PAX3: variants seen among roughly 807,000 people sequenced by gnomAD.
PAX3 encodes the protein paired box protein Pax-3.
PAX3 carries 14 observed loss-of-function variants against 51.6 expected under a neutral mutation model. That is an observed-to-expected ratio of 0.27 (90% CI 0.18 to 0.42). PAX3 has a LOEUF of 0.42. Among genes scored for constraint, PAX3 ranks in the 10% least tolerant of loss-of-function variants. The pLI is 1.00. For missense variants in PAX3, 540 were observed against 642.8 expected, an observed-to-expected ratio of 0.84 and a Z score of 1.73; for synonymous variants, 280 against 253.4, an observed-to-expected ratio of 1.11 and a Z score of -1.00.
chr2:222,298,770 C>T lies in PAX3; in HGVS notation c.-155G>A. 2 of 720,910 alleles carry T rather than the reference C, an allele frequency of 2.8e-6. No individual in the cohort carries two copies. The highest frequency in any genetic ancestry group is 1.7e-5 in the African/African-American group (1 of 57,710). The allele number at this position is 720,910 out of a possible 1,614,324, so 44.7% of individuals were successfully genotyped here. A position where few individuals can be genotyped will look rare whatever the true frequency, so the allele number is the denominator to read the frequency against. On this transcript the variant is annotated 5_prime_UTR_variant, in exon 1 of 9. Transcript: ENST00000392070. ...GGAGGGACGCGGGGAGGGGGGCTGTCGGTTCCTAGTCCAGAGGCCGGAGCT... is the reference window on the plus strand; with the variant it reads ...GGAGGGACGCGGGGAGGGGGGCTGTTGGTTCCTAGTCCAGAGGCCGGAGCT...
intron 4 of PAX3, among the ~76,000 whole-genome samples, chr2:222,234,388 A>C (rs16863541): frequency 0.023 from 3,508 of 152,328 alleles, 63 homozygotes; most frequent in Admixed American, 0.04. Context: ...TTTAAAGGAC[A>C]ATTAACATGC....
intron 4 of PAX3, among the ~76,000 whole-genome samples, chr2:222,274,454 G>A (rs1288577502): frequency 6.7e-6 from 1 of 148,668 alleles, no homozygotes; most frequent in Non-Finnish European, 1.5e-5. Context: ...TCTCAACGCT[G>A]TAGAGTTAAC....
intron 5 of PAX3, among the ~76,000 whole-genome samples, chr2:222,221,911 T>G (rs1692209819): frequency 6.6e-6 from 1 of 151,994 alleles, no homozygotes; most frequent in African/African-American, 2.4e-5. Context: ...GAGCCCTTTT[T>G]TCATCTCTTC....
intron 4 of PAX3, among the ~76,000 whole-genome samples, chr2:222,265,349 G>A (rs889694836): frequency 1.3e-5 from 2 of 152,124 alleles, no homozygotes; most frequent in Non-Finnish European, 2.9e-5. Context: ...TTAGCCTCTT[G>A]TGTATCCTTA....
intron 4 of PAX3, chr2:222,265,072 A>C (rs1693995217): frequency 6.6e-6 from 1 of 152,166 alleles, no homozygotes; most frequent in South Asian, 2.1e-4. Context: ...ACTTAAACAC[A>C]TGAGATTGTT....
At chr2:222,233,542 C>T (rs1011373222) in intron 4 of PAX3, among the ~76,000 whole-genome samples, 3 of 152,040 alleles carry the variant, frequency 2.0e-5, no homozygotes, top group Admixed American at 6.6e-5. Flanking sequence ...GATCCCATAG[C>T]AAAGTGAACC....
chr2:222,241,650 C>T (rs994586141), intron 4 of PAX3, among the ~76,000 whole-genome samples: 2 of 152,188 alleles, frequency 1.3e-5, no homozygotes, highest in Non-Finnish European at 1.5e-5. Flanking sequence ...CTGTTTCATG[C>T]TTAAAATGAC....
At chr2:222,201,794 G>A (rs1691301998) in intron 8 of PAX3, 150 bp downstream of exon 8, 1 of 1,544,932 alleles carries the variant, frequency 6.5e-7, no homozygotes, top group East Asian at 2.3e-5. Context: ...GGAAGCCCCT[G>A]CTGGAACAGT....
chr2:222,275,106 G>A (rs950976032), intron 4 of PAX3, among the ~76,000 whole-genome samples: 10 of 152,032 alleles, frequency 6.6e-5, no homozygotes, highest in Non-Finnish European at 1.5e-4. Flanking sequence ...TTTTAATTTC[G>A]ATTCAAAGTT....
At chr2:222,289,130 T>C (rs577461135) in intron 4 of PAX3, among the ~76,000 whole-genome samples, 1 of 152,384 alleles carries the variant, frequency 6.6e-6, no homozygotes, top group Admixed American at 6.5e-5. Context: ...GTTATATATG[T>C]ACATTCTAAA....
At chr2:222,267,871 C>T (rs45448498) in intron 4 of PAX3, among the ~76,000 whole-genome samples, 9 of 152,226 alleles carry the variant, frequency 5.9e-5, no homozygotes, top group Admixed American at 1.3e-4. Context: ...GTATTATATA[C>T]GACTTACCCT....
Position 222,200,834 on chromosome 2 carries a change from C to G in PAX3, c.*574G>C. 1 of 368,522 alleles carries G rather than the reference C, an allele frequency of 2.7e-6. No individual in the cohort carries two copies. The highest frequency in any genetic ancestry group is 5.0e-6 in the Non-Finnish European group (1 of 201,676). The allele number at this position is 368,522 out of a possible 1,614,324, so 22.8% of individuals were successfully genotyped here. ...AGGAGGTCCTTTACAGCTAGTCTAG[C>G]TTCCTAAAAATGGTTGCATTTATCT... On this transcript the variant is annotated 3_prime_UTR_variant, in exon 9 of 9. Transcript: ENST00000392070.
intron 4 of PAX3, among the ~76,000 whole-genome samples, chr2:222,260,552 GTTTT>G (rs1236832422): frequency 6.6e-5 from 4 of 60,492 alleles, no homozygotes; most frequent in African/African-American, 2.3e-4. Context: ...AGCAACACAA[GTTTT>G]TTTTTTTTGT....
chr2:222,298,549 T>A lies in PAX3; in HGVS notation c.67A>T (p.Ser23Cys). The A allele has an allele frequency of 6.2e-7, 1 of 1,605,846 alleles. No individual in the cohort carries two copies. The highest frequency in any genetic ancestry group is 8.5e-7 in the Non-Finnish European group (1 of 1,176,696). The change falls in exon 1 of 9, where the codon AGC becomes TGC. Residue 23 changes from serine (S) to cysteine (C), a missense_variant. Ser to Cys is a moderately radical substitution (Grantham distance 112). Around this residue, in one of 3 missense-constraint regions of PAX3, gnomAD observed 63 missense variants for 49.9 expected, o/e 1.26. Transcript: ENST00000392070. ...CCCTTACCTTCCAGCGGGAACCCGC[T>A]ACGCGGGTAGTTCTGCCCCGGGCCC... ...RPGPGQNYPR[S>C]GFPLEVSTPL...
chr2:222,244,274 T>C (rs1246783052), intron 4 of PAX3, among the ~76,000 whole-genome samples: 1 of 152,104 alleles, frequency 6.6e-6, no homozygotes, highest in Non-Finnish European at 1.5e-5. Flanking sequence ...GCAAAGGAAG[T>C]TTCATGTCAT....
chr2:222,206,163 G>A (rs1691501671), intron 7 of PAX3, among the ~76,000 whole-genome samples: 1 of 151,260 alleles, frequency 6.6e-6, no homozygotes, highest in African/African-American at 2.4e-5. Context: ...TTTGGGGTAT[G>A]AGAGAAGCTT....
chr2:222,293,579 A>T, intron 4 of PAX3: 3 of 1,571,592 alleles, frequency 1.9e-6, no homozygotes, highest in Non-Finnish European at 2.6e-6. Context: ...ATTCCCAGGC[A>T]CACACAGGTT....
intron 4 of PAX3, among the ~76,000 whole-genome samples, chr2:222,271,429 A>AAC (rs1214675314): frequency 6.6e-6 from 1 of 152,238 alleles, no homozygotes; most frequent in Non-Finnish European, 1.5e-5. Flanking sequence ...GTTCCATCCC[A>AAC]AACATAGTAA....
intron 1 of PAX3, chr2:222,298,161 C>T: frequency 3.3e-6 from 1 of 299,116 alleles, no homozygotes; most frequent in Non-Finnish European, 6.3e-6. Context: ...GTGGGCGCAG[C>T]CGGGACAATT....
Sources: allele counts gnomAD v4.1 joint callset (sites outside exome capture counted in the v4.1 genomes callset), GRCh38; gene constraint gnomAD v4.1.1; regional missense constraint gnomAD v4.1.1; transcripts MANE v1.5; gene names NCBI Gene and HGNC (gene_info 2026-07-23, HGNC 2026-07-21).